PLCG2: variants seen among roughly 807,000 people sequenced by gnomAD.
PLCG2 encodes phospholipase C gamma 2.
In PLCG2, 69 loss-of-function variants were observed where a neutral mutation model predicts 175.6. The ratio of observed to expected loss-of-function variants is 0.39; its 90% CI spans 0.32 to 0.48. The LOEUF is 0.48. Ranked by LOEUF, PLCG2 falls within the 20% of genes least tolerant of loss-of-function variation. PLCG2 has a pLI of 0.91. For synonymous variants in PLCG2, 827 were observed against 624.0 expected, an observed-to-expected ratio of 1.33 and a Z score of -4.85; for missense variants, 1,798 against 1,650.9, an observed-to-expected ratio of 1.09 and a Z score of -1.54.
rs374501993 is a variant in PLCG2, at chr16:81,936,341, C to T, written c.3015C>T (p.Cys1005=). The change falls in exon 27 of 33, where the codon TGC becomes TGT. Residue 1005 remains cysteine, a synonymous_variant. Coordinates refer to ENST00000564138, the MANE Select transcript of PLCG2 (RefSeq NM_002661.5). The part of the protein sequence containing the change: ...SNYDPFRLWL[C]GSQMVALNFQ... ...ACGACCCCTTCCGCCTCTGGCTGTGCGGTTCTCAGATGGTGGCACTCAATT... is the reference window on the plus strand; with the variant it reads ...ACGACCCCTTCCGCCTCTGGCTGTGTGGTTCTCAGATGGTGGCACTCAATT... 88 of 1,613,954 alleles carry T rather than the reference C, an allele frequency of 5.5e-5. No homozygotes were observed. The highest frequency in any genetic ancestry group is 2.3e-4 in the African/African-American group (17 of 74,912).
intron 1 of PLCG2, chr16:81,783,045 C>T (rs1910809541): frequency 6.7e-6 from 3 of 446,096 alleles, no homozygotes; most frequent in Non-Finnish European, 1.3e-5. Context: ...TAACTGGGAC[C>T]CTGGGGAAGG....
chr16:81,896,013 C>A (rs1350996791), intron 13 of PLCG2, 86 bp downstream of exon 13: 13 of 1,496,346 alleles, frequency 8.7e-6, no homozygotes, highest in Non-Finnish European at 1.1e-5. Flanking sequence ...GGCAAACACA[C>A]ACAGACACCT....
At chr16:81,934,210 A>G (rs1370562138) in intron 25 of PLCG2, among the ~76,000 whole-genome samples, 1 of 152,148 alleles carries the variant, frequency 6.6e-6, no homozygotes, top group Non-Finnish European at 1.5e-5. Flanking sequence ...ACTGAGCTGC[A>G]CACCAAAACC....
intron 12 of PLCG2, 80 bp from the exon 13 acceptor site, chr16:81,895,727 C>G: frequency 6.6e-7 from 1 of 1,522,946 alleles, no homozygotes; most frequent in Non-Finnish European, 9.1e-7. Flanking sequence ...AGTAACTGAA[C>G]TGGTGTGTGG....
intron 30 of PLCG2, among the ~76,000 whole-genome samples, chr16:81,944,805 G>A (rs1455628138): frequency 6.6e-6 from 1 of 152,056 alleles, no homozygotes; most frequent in Non-Finnish European, 1.5e-5. Context: ...AGGGACTTGA[G>A]CCTCCAAGGA....
intron 2 of PLCG2, among the ~76,000 whole-genome samples, chr16:81,830,362 G>A (rs1905210746): frequency 6.6e-6 from 1 of 152,140 alleles, no homozygotes; most frequent in South Asian, 2.1e-4. Context: ...CTGGAGGGCA[G>A]TGGTGCTACT....
intron 3 of PLCG2, 164 bp from the exon 4 acceptor site, chr16:81,858,099 C>T: frequency 1.6e-6 from 1 of 613,508 alleles, no homozygotes; most frequent in South Asian, 2.0e-5. Context: ...AAAGCAGGTC[C>T]TAGGGCCATG....
At chr16:81,860,942 A>T (rs1287809901) in intron 5 of PLCG2, among the ~76,000 whole-genome samples, 1 of 152,136 alleles carries the variant, frequency 6.6e-6, no homozygotes, top group Non-Finnish European at 1.5e-5. Context: ...GCGCCACTCT[A>T]CTGTGGCCTG....
chr16:81,861,245 C>G (rs1043787222), intron 5 of PLCG2, among the ~76,000 whole-genome samples: 4 of 152,022 alleles, frequency 2.6e-5, no homozygotes, highest in African/African-American at 4.8e-5. Flanking sequence ...TGTCATTATC[C>G]CATCTAGATG....
intron 7 of PLCG2, among the ~76,000 whole-genome samples, chr16:81,878,384 C>T (rs1337393685): frequency 1.3e-5 from 2 of 152,132 alleles, no homozygotes; most frequent in African/African-American, 4.8e-5. Context: ...GACCCTAATT[C>T]CAAAGAAGGT....
chr16:81,943,046 C>G (rs959801936), intron 30 of PLCG2, among the ~76,000 whole-genome samples: 4 of 152,100 alleles, frequency 2.6e-5, no homozygotes, highest in Non-Finnish European at 5.9e-5. Flanking sequence ...ATTTAAGAGG[C>G]ACACGCCTAG....
At chr16:81,810,441 T>C (rs893141872) in intron 2 of PLCG2, among the ~76,000 whole-genome samples, 2 of 152,216 alleles carry the variant, frequency 1.3e-5, no homozygotes, top group East Asian at 1.9e-4. Context: ...CTCCAACTTA[T>C]TTGCAACCTG....
intron 21 of PLCG2, among the ~76,000 whole-genome samples, chr16:81,922,035 C>G (rs184360944): frequency 1.3e-5 from 2 of 152,296 alleles, no homozygotes; most frequent in African/African-American, 2.4e-5. Context: ...GAACAGTCAC[C>G]TCTCTAACTG....
At chr16:81,777,768 C>A (rs1245819964), upstream of PLCG2, among the ~76,000 whole-genome samples, 1 of 151,950 alleles carries the variant, frequency 6.6e-6, no homozygotes, top group African/African-American at 2.4e-5. Context: ...GTAATCCCAG[C>A]ACTTTGGGAG....
Position 81,835,247 on chromosome 16 carries a change from G to A in PLCG2, c.194-19197G>A, listed in dbSNP as rs569734006. Among the ~76,000 whole-genome samples, 50 of 152,344 alleles carry A rather than the reference G, an allele frequency of 3.3e-4. No individual in the cohort carries two copies. In the Middle Eastern group the frequency reaches 0.014, roughly 41 times the overall value. On this transcript the variant is annotated intron_variant, in intron 2 of 32. Coordinates refer to ENST00000564138, the MANE Select transcript of PLCG2 (RefSeq NM_002661.5). ...CACGAAATGGGATAATTTAGGTGAA[G>A]CAGTTAATATACTACCTTACGTACA...
chr16:81,851,694 C>T (rs754655569), intron 2 of PLCG2, among the ~76,000 whole-genome samples: 2 of 152,176 alleles, frequency 1.3e-5, no homozygotes, highest in East Asian at 1.9e-4. Context: ...TGTATTCTTA[C>T]TAGAGATGGG....
chr16:81,866,875 C>T (rs12102881), intron 5 of PLCG2, among the ~76,000 whole-genome samples: 1,768 of 152,358 alleles, frequency 0.012, 37 homozygotes, highest in African/African-American at 0.037. Context: ...CCTGGCCCAG[C>T]TGTTCCTTGG....
intron 2 of PLCG2, among the ~76,000 whole-genome samples, chr16:81,768,500 T>C (rs886494944): frequency 6.6e-6 from 1 of 151,780 alleles, no homozygotes; most frequent in African/African-American, 2.4e-5. Context: ...TGCACTGTTT[T>C]GCATTTCCAC....
At chr16:81,891,139 G>A (rs1908611743) in intron 10 of PLCG2, among the ~76,000 whole-genome samples, 1 of 152,046 alleles carries the variant, frequency 6.6e-6, no homozygotes, top group East Asian at 1.9e-4. Flanking sequence ...CTCCAGCCTG[G>A]GCAACAGAGC....
Sources: gnomAD v4.1 joint callset for allele counts (sites outside exome capture counted in the v4.1 genomes callset) on GRCh38, gnomAD v4.1.1 for gene constraint, MANE v1.5 for transcripts, NCBI Gene and HGNC (gene_info 2026-07-23, HGNC 2026-07-21) for gene names.